MBNL1: variants seen among roughly 807,000 people sequenced by gnomAD.
MBNL1 encodes the protein muscleblind like splicing regulator 1.
In MBNL1, 8 loss-of-function variants were observed where a neutral mutation model predicts 42.2. That is an observed-to-expected ratio of 0.19 (90% CI 0.11 to 0.34). The LOEUF is 0.34. MBNL1 is among the 10% of genes least tolerant of loss of function. The probability of loss-of-function intolerance (pLI) is 1.00; values close to 1 mark genes in which losing one functional copy is unlikely to be tolerated. For synonymous variants in MBNL1, 169 were observed against 173.9 expected (o/e 0.97, Z 0.22); for missense variants, 309 against 495.3 (o/e 0.62, Z 3.57).
chr3:152,331,931 A>G (rs2084901903), intron 2 of MBNL1, among the ~76,000 whole-genome samples: 1 of 152,106 alleles, frequency 6.6e-6, no homozygotes, highest in Non-Finnish European at 1.5e-5. Flanking sequence ...ACCTCAAGTG[A>G]TCCACCCGCC....
At chr3:152,396,010 A>G (rs1221671420) in intron 2 of MBNL1, among the ~76,000 whole-genome samples, 1 of 152,090 alleles carries the variant, frequency 6.6e-6, no homozygotes, top group Non-Finnish European at 1.5e-5. Context: ...TGGCATTACC[A>G]CCTGAGTTCT....
At chr3:152,329,979 T>C (rs1357755422) in intron 2 of MBNL1, among the ~76,000 whole-genome samples, 2 of 151,966 alleles carry the variant, frequency 1.3e-5, no homozygotes, top group African/African-American at 4.8e-5. Flanking sequence ...TACAAAAATA[T>C]TTAGCAATCC....
chr3:152,360,831 A>C (rs1268522794), intron 2 of MBNL1, among the ~76,000 whole-genome samples: 1 of 152,172 alleles, frequency 6.6e-6, no homozygotes, highest in Non-Finnish European at 1.5e-5. Context: ...CTTTAAAGGA[A>C]ATAAGTTGTG....
chr3:152,341,607 T>C (rs1035738903), intron 2 of MBNL1, among the ~76,000 whole-genome samples: 9 of 152,200 alleles, frequency 5.9e-5, no homozygotes, highest in African/African-American at 2.2e-4. Context: ...GTTCTGTTTT[T>C]GGAGAGCATG....
intron 2 of MBNL1, among the ~76,000 whole-genome samples, chr3:152,325,329 A>G (rs544696509): frequency 6.6e-6 from 1 of 152,080 alleles, no homozygotes; most frequent in South Asian, 2.1e-4. Context: ...CCATCTCTGC[A>G]TTTGATTCCA....
chr3:152,427,199 G>T (rs1022970680), intron 3 of MBNL1, among the ~76,000 whole-genome samples: 1 of 152,138 alleles, frequency 6.6e-6, no homozygotes, highest in African/African-American at 2.4e-5. Flanking sequence ...TTAGGAACTA[G>T]GCCATGCCTG....
At chr3:152,285,079 C>G (rs2050759942) in intron 1 of MBNL1, among the ~76,000 whole-genome samples, 1 of 152,142 alleles carries the variant, frequency 6.6e-6, no homozygotes, top group Non-Finnish European at 1.5e-5. Flanking sequence ...CATCCGTTCT[C>G]AGCTCTGTAA....
intron 2 of MBNL1, among the ~76,000 whole-genome samples, chr3:152,331,887 T>C (rs2152645387): frequency 6.6e-6 from 1 of 152,240 alleles, no homozygotes; most frequent in African/African-American, 2.4e-5. Context: ...AGACAGGGTT[T>C]CATTATGTTG....
intron 1 of MBNL1, among the ~76,000 whole-genome samples, chr3:152,275,061 ATT>A (rs1291230497): frequency 3.9e-5 from 6 of 152,176 alleles, no homozygotes; most frequent in Admixed American, 1.3e-4. Flanking sequence ...ATTTATCAGC[ATT>A]TGTTGATGAC....
intron 2 of MBNL1, among the ~76,000 whole-genome samples, chr3:152,390,066 CA>C (rs1315013807): frequency 7.9e-5 from 12 of 151,578 alleles, no homozygotes; most frequent in African/African-American, 2.7e-4. Context: ...GACGGGGTTT[CA>C]CCATATTGGC....
chr3:152,373,034 C>T (rs375762363), intron 2 of MBNL1, among the ~76,000 whole-genome samples: 27 of 152,296 alleles, frequency 1.8e-4, no homozygotes, highest in South Asian at 6.2e-4. Flanking sequence ...CTGGCTATGG[C>T]AGCTTTGCAG....
At chr3:152,399,982 A>G (rs1364289989) in intron 2 of MBNL1, among the ~76,000 whole-genome samples, 1 of 152,190 alleles carries the variant, frequency 6.6e-6, no homozygotes, top group Non-Finnish European at 1.5e-5. Context: ...GGTAGAATGC[A>G]TGCTAACCCT....
At chr3:152,333,113 A>G (rs1342746903) in intron 2 of MBNL1, among the ~76,000 whole-genome samples, 1 of 152,188 alleles carries the variant, frequency 6.6e-6, no homozygotes, top group Non-Finnish European at 1.5e-5. Context: ...AACTAAATTA[A>G]TTTGCCAAGG....
chr3:152,252,875 A>G (rs1161676913), intron 2 of MBNL1, among the ~76,000 whole-genome samples: 4 of 152,130 alleles, frequency 2.6e-5, no homozygotes, highest in Non-Finnish European at 5.9e-5. Context: ...TCCTGCCCCC[A>G]GTACTTCCCT....
At chr3:152,363,232 G>A (rs2096116705) in intron 2 of MBNL1, among the ~76,000 whole-genome samples, 1 of 151,788 alleles carries the variant, frequency 6.6e-6, no homozygotes, top group South Asian at 2.1e-4. Flanking sequence ...TTTTCAAATG[G>A]TATTACTAGC....
intron 2 of MBNL1, among the ~76,000 whole-genome samples, chr3:152,245,959 C>G (rs960951804): frequency 3.3e-4 from 51 of 152,270 alleles, no homozygotes; most frequent in African/African-American, 1.2e-3. Context: ...GGGGCTCAAG[C>G]CTGTAGTCCC....
chr3:152,378,173 CA>C (rs1246030932), intron 2 of MBNL1, among the ~76,000 whole-genome samples: 1 of 151,908 alleles, frequency 6.6e-6, no homozygotes, highest in East Asian at 1.9e-4. Context: ...CTCATCTCTA[CA>C]AAAACAAAAC....
chr3:152,328,676 A>T (rs2082082646), intron 2 of MBNL1, among the ~76,000 whole-genome samples: 1 of 152,172 alleles, frequency 6.6e-6, no homozygotes, highest in Non-Finnish European at 1.5e-5. Context: ...CTTTAAAAGG[A>T]GTGATATTCT....
chr3:152,248,182 G>C (rs1001296370), intron 2 of MBNL1, among the ~76,000 whole-genome samples: 4 of 151,860 alleles, frequency 2.6e-5, no homozygotes, highest in Non-Finnish European at 5.9e-5. Flanking sequence ...TTTTAAGTAG[G>C]TTGCTTTTAT....
Sources: allele counts gnomAD v4.1 joint callset (sites outside exome capture counted in the v4.1 genomes callset), GRCh38; gene constraint gnomAD v4.1.1; transcripts MANE v1.5; gene names NCBI Gene and HGNC (gene_info 2026-07-23, HGNC 2026-07-21).